PKNOX2: variants seen among roughly 807,000 people sequenced by gnomAD.
PKNOX2 encodes homeobox protein PKNOX2.
In PKNOX2, 14 loss-of-function variants were observed where a neutral mutation model predicts 53.1. The ratio of observed to expected loss-of-function variants is 0.26; its 90% confidence interval spans 0.17 to 0.41. The LOEUF (loss-of-function observed/expected upper bound fraction) is 0.41, where lower values mean the gene tolerates loss of function less well. Ranked by LOEUF, PKNOX2 falls within the 10% of genes least tolerant of loss-of-function variation. The pLI is 1.00. For synonymous variants in PKNOX2, 257 were observed against 242.8 expected (o/e 1.06, Z -0.54); for missense variants, 496 against 602.8 (o/e 0.82, Z 1.85).
At chr11:125,409,453 G>A (rs998511246) in intron 7 of PKNOX2, among the ~76,000 whole-genome samples, 1 of 152,192 alleles carries the variant, frequency 6.6e-6, no homozygotes, top group Non-Finnish European at 1.5e-5. Context: ...GAACAGGATC[G>A]ATGCCATGTG....
chr11:125,413,283 A>G (rs1297665961), intron 10 of PKNOX2, among the ~76,000 whole-genome samples: 2 of 152,232 alleles, frequency 1.3e-5, no homozygotes, highest in African/African-American at 4.8e-5. Flanking sequence ...GCCCCGCAGC[A>G]GGTCCAGCCT....
chr11:125,208,246 G>A (rs371813186), intron 1 of PKNOX2, among the ~76,000 whole-genome samples: 85 of 152,160 alleles, frequency 5.6e-4, no homozygotes, highest in African/African-American at 2.0e-3. Flanking sequence ...TAAATTTGGA[G>A]CATAGTCATG....
intron 1 of PKNOX2, among the ~76,000 whole-genome samples, chr11:125,211,037 G>A (rs1228676313): frequency 6.6e-6 from 1 of 152,258 alleles, no homozygotes; most frequent in South Asian, 2.1e-4. Context: ...GATGCTTGTC[G>A]GTCAGGTGCC....
intron 2 of PKNOX2, chr11:125,287,949 G>C (rs1329538342): frequency 6.6e-6 from 1 of 152,176 alleles, no homozygotes; most frequent in East Asian, 1.9e-4. Flanking sequence ...CCCTGCTGAG[G>C]GCCACCCAGG....
chr11:125,272,932 A>G (rs1156239997), intron 2 of PKNOX2, among the ~76,000 whole-genome samples: 1 of 152,240 alleles, frequency 6.6e-6, no homozygotes, highest in African/African-American at 2.4e-5. Flanking sequence ...GCCGAAGCGC[A>G]GGGAGAATGG....
At chr11:125,404,560 C>T (rs1201829286) in intron 7 of PKNOX2, among the ~76,000 whole-genome samples, 1 of 152,108 alleles carries the variant, frequency 6.6e-6, no homozygotes, top group Non-Finnish European at 1.5e-5. Context: ...TGTCTGGGGA[C>T]AGGGACAACC....
At chr11:125,391,948 G>T (rs7941953) in intron 6 of PKNOX2, among the ~76,000 whole-genome samples, 8,322 of 152,270 alleles carry the variant, frequency 0.055, 313 homozygotes, top group African/African-American at 0.098. Context: ...TAGAAAAATA[G>T]TTTAATAAAT....
At chr11:125,330,092 TG>T (rs141959433) in intron 2 of PKNOX2, among the ~76,000 whole-genome samples, 5,237 of 151,990 alleles carry the variant, frequency 0.034, 98 homozygotes, top group African/African-American at 0.037. Flanking sequence ...GTGGGGCCGA[TG>T]GTGGGAAGGA....
chr11:125,410,733 T>C (rs1955456645), intron 8 of PKNOX2, 46 bp from the exon 9 acceptor site: 7 of 1,463,748 alleles, frequency 4.8e-6, no homozygotes, highest in Non-Finnish European at 6.7e-6. Context: ...CCCTCGCTCC[T>C]ACCCACTCCC....
At chr11:125,251,494 G>T (rs1008835263) in intron 2 of PKNOX2, among the ~76,000 whole-genome samples, 26 of 152,138 alleles carry the variant, frequency 1.7e-4, no homozygotes, top group Non-Finnish European at 2.9e-5. Flanking sequence ...CAGCGACAAA[G>T]ATGTCTGTGG....
chr11:125,327,975 T>C (rs1949924016), intron 2 of PKNOX2, among the ~76,000 whole-genome samples: 1 of 152,074 alleles, frequency 6.6e-6, no homozygotes, highest in African/African-American at 2.4e-5. Flanking sequence ...AATATTGGAG[T>C]GATTCCTCTC....
chr11:125,308,794 C>T (rs1948620294), intron 2 of PKNOX2, among the ~76,000 whole-genome samples: 1 of 152,178 alleles, frequency 6.6e-6, no homozygotes, highest in Non-Finnish European at 1.5e-5. Flanking sequence ...TAGTAGGACT[C>T]CCTCACATAA....
chr11:125,306,770 TG>T (rs1948488940), intron 2 of PKNOX2, among the ~76,000 whole-genome samples: 1 of 152,220 alleles, frequency 6.6e-6, no homozygotes, highest in Admixed American at 6.5e-5. Context: ...TGGAGGGGTC[TG>T]GGACTCATTC....
At chr11:125,401,690 G>A (rs780964602) in intron 7 of PKNOX2, among the ~76,000 whole-genome samples, 152 of 152,280 alleles carry the variant, frequency 1.0e-3, no homozygotes, top group Admixed American at 3.0e-3. Flanking sequence ...ATCGGGGACC[G>A]AGACTTTCAG....
rs906413608 is a variant in PKNOX2, at chr11:125,165,861, C to T, written c.-201+1085C>T. ...GGATGGCGCAGGATCCCGAATCTGCCGCTCAAAGTTTGCATTTCTTTCGGG... is the reference window on the plus strand; with the variant it reads ...GGATGGCGCAGGATCCCGAATCTGCTGCTCAAAGTTTGCATTTCTTTCGGG... On this transcript the variant is annotated intron_variant, in intron 1 of 12. Transcript: ENST00000298282. The surrounding 1 kb of genome is among the most constrained non-coding windows in gnomAD (Gnocchi z 4.5). Among the ~76,000 whole-genome samples, 1 of 152,152 alleles carries T rather than the reference C, an allele frequency of 6.6e-6. No homozygotes were observed. The highest frequency in any genetic ancestry group is 1.5e-5 in the Non-Finnish European group (1 of 68,030).
Position 125,316,911 on chromosome 11 carries a change from T to C in PKNOX2, c.-129-14908T>C, listed in dbSNP as rs529657897. Among the ~76,000 whole-genome samples the C allele has an allele frequency of 2.6e-5, 4 of 152,372 alleles. No individual in the cohort carries two copies. In the South Asian group the frequency reaches 8.3e-4, roughly 32 times the overall value. On this transcript the variant is annotated intron_variant, in intron 2 of 12. Transcript: ENST00000298282. ...AAAGATTTCTCTGTAGCATGTGATG[T>C]TGTTTGATAGCATTTTACCCACAGT... is the stretch of plus-strand genomic sequence containing the variant.
intron 2 of PKNOX2, among the ~76,000 whole-genome samples, chr11:125,269,432 T>C (rs1304785484): frequency 1.3e-5 from 2 of 152,208 alleles, no homozygotes; most frequent in African/African-American, 4.8e-5. Flanking sequence ...GCAAAATATA[T>C]ATTAGAAAAA....
chr11:125,270,334 T>C (rs1453426166), intron 2 of PKNOX2, among the ~76,000 whole-genome samples: 1 of 152,174 alleles, frequency 6.6e-6, no homozygotes, highest in East Asian at 1.9e-4. Context: ...GAATGGCTCT[T>C]TTGGGAGACT....
At chr11:125,247,382 C>A (rs1157399029) in intron 2 of PKNOX2, among the ~76,000 whole-genome samples, 1 of 152,168 alleles carries the variant, frequency 6.6e-6, no homozygotes, top group Non-Finnish European at 1.5e-5. Flanking sequence ...CTCTTCCTCA[C>A]CCTGGGTTTC....
Sources: allele counts gnomAD v4.1 joint callset (sites outside exome capture counted in the v4.1 genomes callset), GRCh38; gene constraint gnomAD v4.1.1; non-coding constraint Gnocchi (gnomAD v3.1); transcripts MANE v1.5; gene names NCBI Gene and HGNC (gene_info 2026-07-23, HGNC 2026-07-21).